The following EGFR variants were observed in gnomAD, a reference collection of about 807,000 sequenced individuals.
EGFR encodes the protein avian erythroblastic leukemia viral (v-erb-b) oncogene homolog.
Under a neutral mutation model 143.0 loss-of-function variants are expected in EGFR, and 58 were observed. The observed-to-expected ratio is 0.41, with a 90% CI of 0.33 to 0.50. The LOEUF is 0.50. EGFR is among the 20% of genes least tolerant of loss of function. The pLI is 0.39. For missense variants in EGFR, 1,307 were observed against 1,579.0 expected, an observed-to-expected ratio of 0.83 and a Z score of 2.92; for synonymous variants, 613 against 594.4, an observed-to-expected ratio of 1.03 and a Z score of -0.45.
At chr7:55,058,810 C>T (rs1788990872) in intron 1 of EGFR, among the ~76,000 whole-genome samples, 1 of 152,106 alleles carries the variant, frequency 6.6e-6, no homozygotes, top group South Asian at 2.1e-4. Flanking sequence ...GTTTAACATA[C>T]CTGCACATGT....
At chr7:55,151,646 C>T (rs954938670) in intron 5 of EGFR, among the ~76,000 whole-genome samples, 2 of 152,068 alleles carry the variant, frequency 1.3e-5, no homozygotes, top group Non-Finnish European at 2.9e-5. Context: ...GAGGCGGAGG[C>T]GGTCGGATCA....
intron 4 of EGFR, 135 bp from the exon 5 acceptor site, chr7:55,151,159 C>T: frequency 1.1e-6 from 1 of 889,354 alleles, no homozygotes; most frequent in Admixed American, 1.9e-5. Context: ...TACAAACCAG[C>T]CAGCCAAACA....
Position 55,074,216 on chromosome 7 carries a change from G to A in EGFR, c.88+54851G>A, listed in dbSNP as rs1790005921. 2.0e-5 allele frequency among the ~76,000 whole-genome samples: 3 copies of A among 152,206 alleles called. 1 individual carries two copies. The highest frequency in any genetic ancestry group is 4.1e-4 in the South Asian group (2 of 4,832). On this transcript the variant is annotated intron_variant, in intron 1 of 27. Coordinates refer to ENST00000275493, the MANE Select transcript of EGFR (RefSeq NM_005228.5). The stretch of plus-strand genomic sequence containing the variant: ...ACCCTTCCTGCTCACTCTGAGTCAC[G>A]GTGAAAATGTTTCAGGATCTCGGGT...
chr7:55,077,635 A>G (rs1005169866), intron 1 of EGFR, among the ~76,000 whole-genome samples: 1 of 152,158 alleles, frequency 6.6e-6, no homozygotes, highest in Non-Finnish European at 1.5e-5. Context: ...AGGGTAACTC[A>G]GGGTAGGGCA....
At chr7:55,138,443 A>C (rs1794279979) in intron 1 of EGFR, among the ~76,000 whole-genome samples, 2 of 152,194 alleles carry the variant, frequency 1.3e-5, no homozygotes, top group African/African-American at 2.4e-5. Flanking sequence ...AAATATTTTT[A>C]TGTAATCCTT....
chr7:55,200,500 C>T (rs2128970211), intron 24 of EGFR, 87 bp downstream of exon 24: 1 of 1,334,442 alleles, frequency 7.5e-7, no homozygotes, highest in South Asian at 1.2e-5. Context: ...GCCAGCCTGG[C>T]CTCCCTGTGT....
At chr7:55,096,371 C>G (rs1218668890) in intron 1 of EGFR, among the ~76,000 whole-genome samples, 2 of 152,234 alleles carry the variant, frequency 1.3e-5, no homozygotes, top group Non-Finnish European at 2.9e-5. Flanking sequence ...AAATTTGCTG[C>G]TGAGTTAACT....
chr7:55,050,697 GT>G (rs1788439059), intron 1 of EGFR, among the ~76,000 whole-genome samples: 1 of 152,150 alleles, frequency 6.6e-6, no homozygotes, highest in South Asian at 2.1e-4. Context: ...CTTCTTGCTT[GT>G]CATCCTTGGC....
chr7:55,147,008 GA>G (rs1264679402), intron 4 of EGFR, among the ~76,000 whole-genome samples: 3 of 152,218 alleles, frequency 2.0e-5, no homozygotes, highest in African/African-American at 4.8e-5. Context: ...TGTGTCCTGA[GA>G]AGAGCTGCTG....
At chr7:55,164,478 G>C (rs1033218405) in intron 14 of EGFR, among the ~76,000 whole-genome samples, 5 of 152,158 alleles carry the variant, frequency 3.3e-5, no homozygotes, top group Non-Finnish European at 2.9e-5. Context: ...GTGTTTTGAG[G>C]GATAGGCTGC....
intron 1 of EGFR, among the ~76,000 whole-genome samples, chr7:55,137,677 A>G (rs919444408): frequency 6.6e-6 from 1 of 152,234 alleles, no homozygotes; most frequent in African/African-American, 2.4e-5. Flanking sequence ...GTGGAGCACA[A>G]CAACAGAGAT....
intron 1 of EGFR, among the ~76,000 whole-genome samples, chr7:55,082,842 G>GTC (rs990708545): frequency 4.6e-5 from 7 of 152,316 alleles, no homozygotes; most frequent in African/African-American, 1.4e-4. Flanking sequence ...TGTCAGTAGA[G>GTC]TCTCTCTCTC....
intron 27 of EGFR, among the ~76,000 whole-genome samples, 166 bp from the exon 28 acceptor site, chr7:55,205,090 A>G (rs1416953913): frequency 6.6e-6 from 1 of 152,186 alleles, no homozygotes; most frequent in African/African-American, 2.4e-5. Context: ...AAGGACAGGA[A>G]AGAACCCACT....
chr7:55,068,208 T>A (rs983425115), intron 1 of EGFR, among the ~76,000 whole-genome samples: 1 of 152,192 alleles, frequency 6.6e-6, no homozygotes, highest in African/African-American at 2.4e-5. Context: ...TGTTTTAAAA[T>A]ATCAGAACAA....
At chr7:55,152,713 C>G (rs1274778005) in intron 6 of EGFR, 49 bp downstream of exon 6, 2 of 1,490,658 alleles carry the variant, frequency 1.3e-6, no homozygotes, top group Non-Finnish European at 1.9e-6. Context: ...GGGCTGCACC[C>G]GCCCCACCCA....
intron 20 of EGFR, among the ~76,000 whole-genome samples, chr7:55,185,595 T>C (rs962060579): frequency 2.0e-5 from 3 of 152,216 alleles, no homozygotes; most frequent in African/African-American, 7.2e-5. Context: ...TCCAAACTAT[T>C]TGGACAACAG....
chr7:55,092,975 C>T (rs1791219764), intron 1 of EGFR, among the ~76,000 whole-genome samples: 6 of 152,230 alleles, frequency 3.9e-5, no homozygotes, highest in Admixed American at 3.9e-4. Flanking sequence ...AGTCTGAAAG[C>T]CACATGGACA....
chr7:55,104,833 G>A (rs749781599), intron 1 of EGFR, among the ~76,000 whole-genome samples: 3 of 152,182 alleles, frequency 2.0e-5, no homozygotes, highest in Non-Finnish European at 2.9e-5. Flanking sequence ...AGTAGGAAGT[G>A]GGCAGACTGT....
chr7:55,181,498 A>C lies in EGFR; in HGVS notation c.2469+20A>C, dbSNP rs762378199. ...GCAAAGGTAATCAGGGAAGGGAGAT[A>C]CGGGGAGGGGAGATAAGGAGCCAGG... On this transcript the variant is annotated intron_variant, in intron 20 of 27. Coordinates refer to ENST00000275493, the MANE Select transcript of EGFR (RefSeq NM_005228.5). The C allele has an allele frequency of 6.2e-7, 1 of 1,614,196 alleles. No homozygotes were observed. The highest frequency in any genetic ancestry group is 8.5e-7 in the Non-Finnish European group (1 of 1,180,020).
Sources: gnomAD v4.1 joint callset for allele counts (sites outside exome capture counted in the v4.1 genomes callset) on GRCh38, gnomAD v4.1.1 for gene constraint, MANE v1.5 for transcripts, NCBI Gene and HGNC (gene_info 2026-07-23, HGNC 2026-07-21) for gene names.